ZNF496: variants seen among roughly 807,000 people sequenced by gnomAD.
The protein encoded by ZNF496 is NSD1 (nuclear receptor binding SET-domain containing 1)-interacting zinc finger protein 1.
ZNF496 carries 11 observed loss-of-function variants against 58.9 expected under a neutral mutation model. The observed-to-expected ratio is 0.19, with a 90% confidence interval of 0.12 to 0.31. The LOEUF (loss-of-function observed/expected upper bound fraction) is 0.31. Among genes scored for constraint, ZNF496 ranks in the 10% least tolerant of loss-of-function variants. ZNF496 has a pLI of 1.00. For missense variants in ZNF496, 660 were observed against 783.0 expected, an observed-to-expected ratio of 0.84 and a Z score of 1.88; for synonymous variants, 338 against 318.2, an observed-to-expected ratio of 1.06 and a Z score of -0.66.
intron 9 of ZNF496, chr1:247,307,542 C>T (rs1405806200): frequency 3.0e-6 from 3 of 985,304 alleles, no homozygotes; most frequent in Non-Finnish European, 3.6e-6. Context: ...TCACTCTTGG[C>T]ACGCAGAGGT....
Position 247,308,052 on chromosome 1 carries a change from C to A in ZNF496, c.1006+423G>T. On this transcript the variant is annotated intron_variant, in intron 9 of 9. Transcript: ENST00000682384. This position sits in a 1 kb window ranked among gnomAD's most constrained non-coding sequence, Gnocchi z 4.5. Reference sequence around the variant, plus strand: ...GCTGAGAGAAGAAAAACACTCACTGCATCACCAACAGCACTACAGCAGCAC... The same window carrying A: ...GCTGAGAGAAGAAAAACACTCACTGAATCACCAACAGCACTACAGCAGCAC... 1.0e-6 allele frequency: 1 copy of A among 979,176 alleles called. No homozygotes were observed. The highest frequency in any genetic ancestry group is 1.2e-6 in the Non-Finnish European group (1 of 824,216). The allele number at this position is 979,176 out of a possible 1,614,324, so 60.7% of individuals were successfully genotyped here. A position where few individuals can be genotyped will look rare whatever the true frequency, so the allele number is the denominator to read the frequency against.
intron 9 of ZNF496, among the ~76,000 whole-genome samples, chr1:247,305,693 T>C (rs1659384982): frequency 2.0e-5 from 3 of 152,230 alleles, no homozygotes; most frequent in Admixed American, 1.3e-4. Flanking sequence ...CTGTAAAATA[T>C]TCTTGTAAAG....
At chr1:247,319,428 A>C (rs1358163799) in intron 6 of ZNF496, among the ~76,000 whole-genome samples, 1 of 152,264 alleles carries the variant, frequency 6.6e-6, no homozygotes, top group Non-Finnish European at 1.5e-5. Flanking sequence ...CACACTAGGT[A>C]AATCGAAATG....
chr1:247,329,158 T>C lies in ZNF496; in HGVS notation c.390+31A>G, dbSNP rs370598196. 7.8e-5 allele frequency: 125 copies of C among 1,612,836 alleles called. 1 individual carries two copies. Among genetic ancestry groups the C allele is most frequent in the Non-Finnish European group, 8.2e-5 (97 of 1,179,910 alleles). ...CCAAAGTGTCTAAGTACCAGATCTC[T>C]ACCCGTCCCAGCCCCACCTCTTCTA... On this transcript the variant is annotated intron_variant, in intron 4 of 9. Coordinates refer to ENST00000682384, the MANE Select transcript of ZNF496 (RefSeq NM_032752.3). The surrounding 1 kb of genome is among the most constrained non-coding windows in gnomAD (Gnocchi z 5.5).
chr1:247,326,719 T>C (rs1660140012), intron 5 of ZNF496, among the ~76,000 whole-genome samples: 1 of 152,254 alleles, frequency 6.6e-6, no homozygotes, highest in East Asian at 1.9e-4. Context: ...GACTGAGTAT[T>C]TGGAGATAGG....
chr1:247,326,894 A>G (rs1197536389), intron 5 of ZNF496, among the ~76,000 whole-genome samples: 1 of 152,134 alleles, frequency 6.6e-6, no homozygotes, highest in Non-Finnish European at 1.5e-5. Flanking sequence ...CCTGCTCTGC[A>G]AACTTCTCTT....
In ZNF496 at chr1:247,329,126, G is replaced by A; in HGVS notation, c.390+63C>T. The A allele has an allele frequency of 4.3e-6, 7 of 1,609,222 alleles. No homozygotes were observed. Among genetic ancestry groups the A allele is most frequent in the Non-Finnish European group, 5.9e-6 (7 of 1,177,382 alleles). On this transcript the variant is annotated intron_variant, in intron 4 of 9. Coordinates refer to ENST00000682384, the MANE Select transcript of ZNF496 (RefSeq NM_032752.3). This position sits in a 1 kb window ranked among gnomAD's most constrained non-coding sequence, Gnocchi z 5.5. Reference sequence around the variant, plus strand: ...CTCATTCCCCAGCCAGCACATGCATGGCCCAGCCAAAGTGTCTAAGTACCA... The same window carrying A: ...CTCATTCCCCAGCCAGCACATGCATAGCCCAGCCAAAGTGTCTAAGTACCA...
intron 6 of ZNF496, chr1:247,310,840 T>C (rs188715673): frequency 8.6e-5 from 15 of 173,446 alleles, no homozygotes; most frequent in Non-Finnish European, 1.7e-4. Context: ...AACACAAATT[T>C]TGGGGAGATA....
intron 6 of ZNF496, among the ~76,000 whole-genome samples, chr1:247,316,190 GGT>G (rs1187777193): frequency 6.8e-4 from 99 of 145,580 alleles, no homozygotes; most frequent in East Asian, 1.2e-3. Flanking sequence ...TCCTGGGAGG[GGT>G]GTGTGTGTGT....
chr1:247,325,887 C>T (rs1464143251), intron 5 of ZNF496, among the ~76,000 whole-genome samples: 2 of 151,964 alleles, frequency 1.3e-5, no homozygotes, highest in Non-Finnish European at 1.5e-5. Flanking sequence ...AATGGAGATG[C>T]CCCCTAACTG....
chr1:247,309,832 A>G lies in ZNF496; in HGVS notation c.785-26T>C. 1 of 1,612,092 alleles carries G rather than the reference A, an allele frequency of 6.2e-7. No individual in the cohort carries two copies. The highest frequency in any genetic ancestry group is 8.5e-7 in the Non-Finnish European group (1 of 1,178,392). On this transcript the variant is annotated intron_variant, in intron 7 of 9. Transcript: ENST00000682384. The surrounding 1 kb of genome is among the most constrained non-coding windows in gnomAD (Gnocchi z 4.3). ...CTGTTCAAAGAAAAAGGCAGGGTAC[A>G]TGTTTATTAGTAATCTGATCCTGCA...
intron 5 of ZNF496, among the ~76,000 whole-genome samples, chr1:247,325,414 T>C (rs1010854872): frequency 1.3e-5 from 2 of 152,248 alleles, no homozygotes; most frequent in Non-Finnish European, 2.9e-5. Flanking sequence ...AAATTGTATG[T>C]ATTTTGTATA....
In ZNF496 at chr1:247,310,335, G is replaced by A. The variant is rs201683232; in HGVS notation, c.773C>T (p.Ser258Leu). Reference protein sequence around the residue: ...EFIIGEDYGVSMPPNDLAAQP... With the variant: ...EFIIGEDYGVLMPPNDLAAQP... ...AAGTTAAGTCTTACTTGGAGGCATT[G>A]AGACCCCGTAATCCTCCCCAATGAT... The change falls in exon 7 of 10, where the codon TCA becomes TTA. Residue 258 changes from serine (S) to leucine (L), a missense_variant. Ser to Leu is a moderately radical substitution (Grantham distance 145). Coordinates refer to ENST00000682384, the MANE Select transcript of ZNF496 (RefSeq NM_032752.3). 2.7e-5 allele frequency: 44 copies of A among 1,614,150 alleles called. No homozygotes were observed. The South Asian group carries it at 4.3e-4, about 16-fold the overall frequency.
At chr1:247,315,434 A>C (rs1325400573) in intron 6 of ZNF496, among the ~76,000 whole-genome samples, 2 of 152,210 alleles carry the variant, frequency 1.3e-5, no homozygotes, top group Non-Finnish European at 2.9e-5. Flanking sequence ...CCAAGGAGGA[A>C]GTGTTAAGAG....
chr1:247,328,096 G>T (rs533209340), intron 5 of ZNF496, among the ~76,000 whole-genome samples: 2 of 152,312 alleles, frequency 1.3e-5, no homozygotes, highest in Admixed American at 6.5e-5. Context: ...ATAACCAGAA[G>T]ATTCAAATCT....
At chr1:247,306,483 C>T (rs1259763798) in intron 9 of ZNF496, among the ~76,000 whole-genome samples, 2 of 150,520 alleles carry the variant, frequency 1.3e-5, no homozygotes, top group Non-Finnish European at 1.5e-5. Context: ...AGGCGTGAGC[C>T]ACTGCACCTG....
chr1:247,310,211 T>C (rs1659557579), intron 7 of ZNF496, 113 bp downstream of exon 7: 1 of 1,530,034 alleles, frequency 6.5e-7, no homozygotes, highest in Admixed American at 2.0e-5. Flanking sequence ...CAGAGAGATC[T>C]GATGCAGGCC....
At chr1:247,328,510 A>C (rs1045144045) in intron 5 of ZNF496, among the ~76,000 whole-genome samples, 173 bp downstream of exon 5, 1 of 152,188 alleles carries the variant, frequency 6.6e-6, no homozygotes, top group Non-Finnish European at 1.5e-5. Context: ...TGAGGTTCTC[A>C]TTTAATTGCT....
chr1:247,322,108 C>G (rs1421310221), intron 6 of ZNF496, among the ~76,000 whole-genome samples: 2 of 152,078 alleles, frequency 1.3e-5, no homozygotes, highest in African/African-American at 4.8e-5. Context: ...ATGGCGAGAC[C>G]CTGTCTCTAC....
Sources: gnomAD v4.1 joint callset for allele counts (sites outside exome capture counted in the v4.1 genomes callset) on GRCh38, gnomAD v4.1.1 for gene constraint, Gnocchi (gnomAD v3.1) non-coding constraint, MANE v1.5 for transcripts, NCBI Gene and HGNC (gene_info 2026-07-23, HGNC 2026-07-21) for gene names.